The following ATP2B2 variants were observed in gnomAD, a reference collection of about 807,000 sequenced individuals.
ATP2B2 encodes plasma membrane calcium-transporting ATPase 2.
A neutral mutation model predicts 120.0 loss-of-function variants in ATP2B2; 15 were observed. That is an observed-to-expected ratio of 0.12 (90% confidence interval 0.08 to 0.19). The LOEUF is 0.19. ATP2B2 is among the 10% of genes least tolerant of loss of function. ATP2B2 has a pLI of 1.00. For missense variants in ATP2B2, 1,045 were observed against 1,719.8 expected (o/e 0.61, Z 6.94); for synonymous variants, 694 against 700.3 (o/e 0.99, Z 0.14).
intron 2 of ATP2B2, among the ~76,000 whole-genome samples, chr3:10,545,252 G>A (rs973243179): frequency 6.6e-6 from 1 of 152,158 alleles, no homozygotes; most frequent in Non-Finnish European, 1.5e-5. Context: ...TTTTTAGGCC[G>A]GGTGCAGTGG....
At chr3:10,642,473 C>T (rs7615663) in intron 1 of ATP2B2, among the ~76,000 whole-genome samples, 40,195 of 151,972 alleles carry the variant, frequency 0.26, 9,218 homozygotes, top group African/African-American at 0.62. Flanking sequence ...AGAGCAGCAA[C>T]CAGATAACTT....
At chr3:10,501,620 G>A (rs890131416) in intron 1 of ATP2B2, among the ~76,000 whole-genome samples, 15 of 152,252 alleles carry the variant, frequency 9.9e-5, no homozygotes, top group African/African-American at 3.6e-4. Context: ...AGATGGCCTT[G>A]TTTTGGATTT....
At chr3:10,382,814 G>A (rs1416747796) in intron 8 of ATP2B2, among the ~76,000 whole-genome samples, 1 of 152,014 alleles carries the variant, frequency 6.6e-6, no homozygotes, top group Non-Finnish European at 1.5e-5. Flanking sequence ...TGGGGGCTTG[G>A]GGGAGCAGGG....
chr3:10,650,045 C>A (rs1413172868), intron 1 of ATP2B2, among the ~76,000 whole-genome samples: 2 of 152,134 alleles, frequency 1.3e-5, no homozygotes, highest in African/African-American at 4.8e-5. Context: ...TGGGGTGCTA[C>A]TGAAGATACC....
intron 7 of ATP2B2, among the ~76,000 whole-genome samples, 174 bp from the exon 8 acceptor site, chr3:10,385,501 G>A (rs766868778): frequency 4.6e-5 from 7 of 152,180 alleles, no homozygotes; most frequent in Non-Finnish European, 8.8e-5. Flanking sequence ...GTTCCATAGA[G>A]ATGCCGCAGA....
chr3:10,515,556 G>A (rs1354744399), intron 3 of ATP2B2, among the ~76,000 whole-genome samples: 1 of 152,148 alleles, frequency 6.6e-6, no homozygotes, highest in Non-Finnish European at 1.5e-5. Flanking sequence ...GCCCTGCAGA[G>A]GAACCCACCC....
At chr3:10,606,454 G>T (rs191065644) in intron 2 of ATP2B2, among the ~76,000 whole-genome samples, 14 of 152,288 alleles carry the variant, frequency 9.2e-5, no homozygotes, top group African/African-American at 2.9e-4. Context: ...GACCAGGGGG[G>T]TGGAGTTAAA....
Position 10,401,607 on chromosome 3 carries a change from G to A in ATP2B2, c.655+484C>T, listed in dbSNP as rs372154386. On this transcript the variant is annotated intron_variant, in intron 4 of 22. Transcript: ENST00000360273. ...AACTCCCTTTGGTGCCAGCCTGCCCGTTTTCTCCATGGCAGTAGCACAGGC... is the reference window on the plus strand; with the variant it reads ...AACTCCCTTTGGTGCCAGCCTGCCCATTTTCTCCATGGCAGTAGCACAGGC... Among the ~76,000 whole-genome samples, 37 of 152,118 alleles carry A rather than the reference G, an allele frequency of 2.4e-4. 2 individuals are homozygous for A. Among genetic ancestry groups the A allele is most frequent in the Admixed American group, 1.0e-3 (16 of 15,280 alleles).
chr3:10,590,916 A>G (rs994402302), intron 2 of ATP2B2, among the ~76,000 whole-genome samples: 6 of 151,912 alleles, frequency 3.9e-5, no homozygotes, highest in Non-Finnish European at 8.8e-5. Context: ...CACACTTTAC[A>G]AGCTGGGGAG....
In ATP2B2 at chr3:10,651,344, A is replaced by G. The variant is rs1195371609; in HGVS notation, c.-459-31383T>C. ...GGACCCAGTGAGAGGTAATTGAATCATGGGGGCAGGTCTTTCCCATGCTGT... is the reference window on the plus strand; with the variant it reads ...GGACCCAGTGAGAGGTAATTGAATCGTGGGGGCAGGTCTTTCCCATGCTGT... On this transcript the variant is annotated intron_variant, in intron 1 of 21. Transcript: ENST00000646379. Among the ~76,000 whole-genome samples the G allele has an allele frequency of 3.9e-5, 6 of 152,154 alleles. 1 individual carries two copies. Among genetic ancestry groups the G allele is most frequent in the East Asian group, 1.9e-4 (1 of 5,196 alleles).
At chr3:10,556,972 C>A (rs2067794289) in intron 2 of ATP2B2, among the ~76,000 whole-genome samples, 1 of 152,172 alleles carries the variant, frequency 6.6e-6, no homozygotes, top group Non-Finnish European at 1.5e-5. Flanking sequence ...GAATCTCAGA[C>A]TAGGCTATAT....
At chr3:10,366,464 G>C (rs1472930657) in intron 12 of ATP2B2, among the ~76,000 whole-genome samples, 1 of 152,120 alleles carries the variant, frequency 6.6e-6, no homozygotes, top group Non-Finnish European at 1.5e-5. Flanking sequence ...GAACCACTTC[G>C]GGGGCTCCAG....
intron 2 of ATP2B2, among the ~76,000 whole-genome samples, chr3:10,568,511 G>A (rs2068057326): frequency 6.6e-6 from 1 of 152,230 alleles, no homozygotes; most frequent in Admixed American, 6.5e-5. Flanking sequence ...GACAGGTTCA[G>A]GAGGCTGAAA....
chr3:10,707,938 T>C (rs1209024239), exon 1 of ATP2B2: 2 of 150,874 alleles, frequency 1.3e-5, no homozygotes, highest in Non-Finnish European at 3.0e-5. Context: ...GAGAGCGAGA[T>C]GCTGCCGCCG....
intron 1 of ATP2B2, among the ~76,000 whole-genome samples, chr3:10,623,654 A>C (rs957282386): frequency 6.6e-6 from 1 of 152,094 alleles, no homozygotes; most frequent in African/African-American, 2.4e-5. Flanking sequence ...CTCTAGGAAA[A>C]CTGGGTGACA....
At chr3:10,363,369 T>G (rs2060955658) in intron 12 of ATP2B2, among the ~76,000 whole-genome samples, 2 of 152,222 alleles carry the variant, frequency 1.3e-5, no homozygotes, top group Admixed American at 1.3e-4. Flanking sequence ...TGTTCCTGTT[T>G]TGAGGGACGG....
intron 1 of ATP2B2, among the ~76,000 whole-genome samples, chr3:10,454,582 T>C (rs1315915067): frequency 2.0e-5 from 3 of 152,210 alleles, no homozygotes; most frequent in Non-Finnish European, 4.4e-5. Flanking sequence ...GTCACCCCTT[T>C]TCTGGGCATT....
chr3:10,479,969 C>T (rs561402210), intron 1 of ATP2B2, among the ~76,000 whole-genome samples: 1 of 152,166 alleles, frequency 6.6e-6, no homozygotes, highest in East Asian at 1.9e-4. Context: ...GTGGTGCATG[C>T]CTGTAGTCCC....
intron 2 of ATP2B2, among the ~76,000 whole-genome samples, chr3:10,427,017 G>A (rs371552958): frequency 6.6e-6 from 1 of 152,224 alleles, no homozygotes; most frequent in East Asian, 1.9e-4. Context: ...AGACTGCAGG[G>A]CCTGCATTAA....
Sources: gnomAD v4.1 joint callset for allele counts (sites outside exome capture counted in the v4.1 genomes callset) on GRCh38, gnomAD v4.1.1 for gene constraint, MANE v1.5 for transcripts, NCBI Gene and HGNC (gene_info 2026-07-23, HGNC 2026-07-21) for gene names.